TLE1: variants seen among roughly 807,000 people sequenced by gnomAD.
TLE1 encodes the protein transducin-like enhancer protein 1.
A neutral mutation model predicts 89.8 loss-of-function variants in TLE1; 21 were observed. The observed-to-expected ratio is 0.23, with a 90% CI of 0.17 to 0.34. The LOEUF (loss-of-function observed/expected upper bound fraction) is 0.34. TLE1 is among the 10% of genes least tolerant of loss of function. TLE1 has a pLI of 1.00. For missense variants in TLE1, 795 were observed against 1,031.2 expected (o/e 0.77, Z 3.14); for synonymous variants, 447 against 407.6 (o/e 1.10, Z -1.16).
intron 8 of TLE1, 53 bp downstream of exon 8, chr9:81,633,287 CCGTGTGTG>C (rs1826913794): frequency 6.7e-7 from 1 of 1,490,416 alleles, no homozygotes; most frequent in Non-Finnish European, 9.1e-7. Context: ...CAGAAGGGGA[CCGTGTGTG>C]TGTGTGTGTG....
At chr9:81,680,459 G>C (rs900246254) in intron 4 of TLE1, among the ~76,000 whole-genome samples, 4 of 152,110 alleles carry the variant, frequency 2.6e-5, no homozygotes, top group African/African-American at 9.7e-5. Flanking sequence ...TGAAGATTTT[G>C]GGGGCATTCC....
chr9:81,615,407 T>C (rs7028704), intron 11 of TLE1, among the ~76,000 whole-genome samples: 30,511 of 150,514 alleles, frequency 0.2, 5,924 homozygotes, highest in East Asian at 0.57. Context: ...GGCAAGAACA[T>C]ATCCCCCAAG....
chr9:81,663,574 G>T (rs1831085180), intron 4 of TLE1, among the ~76,000 whole-genome samples: 1 of 151,886 alleles, frequency 6.6e-6, no homozygotes, highest in Admixed American at 6.6e-5. Context: ...TCAATGACAG[G>T]GTCACCGTGC....
At chr9:81,676,958 C>T (rs539902524) in intron 4 of TLE1, among the ~76,000 whole-genome samples, 2 of 152,284 alleles carry the variant, frequency 1.3e-5, no homozygotes, top group Admixed American at 6.5e-5. Flanking sequence ...CAAATTTGGC[C>T]GGGCATGGTG....
intron 14 of TLE1, among the ~76,000 whole-genome samples, chr9:81,594,038 G>T (rs1829895293): frequency 2.0e-5 from 3 of 152,146 alleles, no homozygotes; most frequent in Admixed American, 6.6e-5. Flanking sequence ...CTCTGAACTT[G>T]AAAGAGGGGA....
chr9:81,593,295 G>A (rs754154602), intron 14 of TLE1, 21 bp from the exon 15 acceptor site: 13 of 1,592,754 alleles, frequency 8.2e-6, no homozygotes, highest in Non-Finnish European at 1.0e-5. Flanking sequence ...AACGATTGGA[G>A]AGAAGACAGA....
rs531010688 is a variant in TLE1 at position 81,669,595 on chromosome 9, T to C, written c.235-15559A>G. ...TCACTTGTACATGCAAATATATGCA[T>C]GCTTACACCTCCACCCTCCCCCCCC... is the stretch of plus-strand genomic sequence containing the variant. On this transcript the variant is annotated intron_variant, in intron 4 of 19. Coordinates refer to ENST00000376499, the MANE Select transcript of TLE1 (RefSeq NM_005077.5). 2.3e-3 allele frequency among the ~76,000 whole-genome samples: 347 copies of C among 151,370 alleles called. 1 individual carries two copies. The highest frequency in any genetic ancestry group is 6.9e-3 in the Admixed American group (104 of 15,170).
At chr9:81,633,303 GTGTGTGTGTGT>G (rs757321525) in intron 8 of TLE1, 34 bp downstream of exon 8, 303 of 1,419,892 alleles carry the variant, frequency 2.1e-4, no homozygotes, top group Non-Finnish European at 2.7e-4. Flanking sequence ...GTGTGTGTGT[GTGTGTGTGTGT>G]GTGTGTGTGT....
intron 14 of TLE1, among the ~76,000 whole-genome samples, chr9:81,607,300 C>T (rs890765318): frequency 1.3e-5 from 2 of 151,698 alleles, no homozygotes; most frequent in Non-Finnish European, 2.9e-5. Flanking sequence ...CTTTAATAAG[C>T]ATGATATTAC....
rs368162519 is a variant in TLE1 at position 81,652,268 on chromosome 9, C to G, written c.318G>C (p.Gln106His). The part of the protein sequence containing the change: ...LSQEHQQQVA[Q>H]AVERAKQVTM... ...TCACCTGTTTGGCACGTTCAACAGC[C>G]TGGGCCACCTGTTGTTGATGCTTTG... The change falls in exon 6 of 20, where the codon CAG becomes CAC. Residue 106 changes from glutamine (Q) to histidine (H), a missense_variant. Physicochemically the swap from Gln to His is conservative, Grantham distance 24. Around this residue, in one of 4 missense-constraint regions of TLE1, gnomAD observed 66 missense variants for 118.7 expected, o/e 0.56. Transcript: ENST00000376499. The G allele has an allele frequency of 6.2e-7, 1 of 1,613,770 alleles. No individual in the cohort carries two copies. Among genetic ancestry groups the G allele is most frequent in the African/African-American group, 1.3e-5 (1 of 74,916 alleles).
intron 14 of TLE1, among the ~76,000 whole-genome samples, chr9:81,605,315 G>A (rs910339646): frequency 1.3e-5 from 2 of 152,124 alleles, no homozygotes; most frequent in Non-Finnish European, 1.5e-5. Context: ...GAGAGTGAGC[G>A]ACAGCAACCT....
At chr9:81,622,220 C>T (rs1166539327) in intron 8 of TLE1, among the ~76,000 whole-genome samples, 1 of 152,182 alleles carries the variant, frequency 6.6e-6, no homozygotes, top group Non-Finnish European at 1.5e-5. Context: ...ACTTCAGCCC[C>T]GAGGTCTCCT....
intron 15 of TLE1, among the ~76,000 whole-genome samples, chr9:81,592,553 A>G (rs572522081): frequency 5.3e-5 from 8 of 152,218 alleles, no homozygotes; most frequent in Non-Finnish European, 8.8e-5. Context: ...AGTTAAGGCC[A>G]TAAAACCTAA....
intron 4 of TLE1, among the ~76,000 whole-genome samples, chr9:81,673,177 G>A (rs2132979204): frequency 6.6e-6 from 1 of 150,918 alleles, no homozygotes; most frequent in East Asian, 2.0e-4. Context: ...GGAGGCTGAG[G>A]CAACAGAATC....
chr9:81,647,820 C>G (rs1361070729), intron 6 of TLE1, among the ~76,000 whole-genome samples: 1 of 152,162 alleles, frequency 6.6e-6, no homozygotes, highest in Non-Finnish European at 1.5e-5. Flanking sequence ...TTGTCCAAGG[C>G]AACACAATGT....
In TLE1 at chr9:81,611,802, CGCG is replaced by C; in HGVS notation, c.1218_1220del (p.Ala409del). 6.5e-7 allele frequency: 1 copy of C among 1,547,880 alleles called. No homozygotes were observed. Among genetic ancestry groups the C allele is most frequent in the Non-Finnish European group, 8.7e-7 (1 of 1,154,682 alleles). ...AGCGCCCGTAGGCCACCACGGCGGC[CGCG>C]GCGGCTGCGGCGCTCATCTGGGGCG... On this transcript the variant is annotated inframe_deletion, in exon 13 of 20. Coordinates refer to ENST00000376499, the MANE Select transcript of TLE1 (RefSeq NM_005077.5).
intron 14 of TLE1, 139 bp downstream of exon 14, chr9:81,610,081 G>A (rs542602556): frequency 1.4e-6 from 1 of 710,302 alleles, no homozygotes; most frequent in Non-Finnish European, 2.4e-6. Context: ...TATAGAAAGT[G>A]TTAACACTCC....
At chr9:81,677,027 A>G (rs1832982860) in intron 4 of TLE1, among the ~76,000 whole-genome samples, 1 of 151,862 alleles carries the variant, frequency 6.6e-6, no homozygotes, top group African/African-American at 2.4e-5. Flanking sequence ...ACTTGAGGCC[A>G]GGAGTTCAAG....
chr9:81,591,488 C>T (rs1049909547), intron 15 of TLE1, among the ~76,000 whole-genome samples: 1 of 152,176 alleles, frequency 6.6e-6, no homozygotes, highest in Non-Finnish European at 1.5e-5. Context: ...TAAGAATTTA[C>T]CAGAGCTGCT....
Sources: gnomAD v4.1 joint callset for allele counts (sites outside exome capture counted in the v4.1 genomes callset) on GRCh38, gnomAD v4.1.1 for gene constraint, gnomAD v4.1.1 regional missense constraint, MANE v1.5 for transcripts, NCBI Gene and HGNC (gene_info 2026-07-23, HGNC 2026-07-21) for gene names.